The following IL31RA variants were observed in gnomAD, a reference collection of about 807,000 sequenced individuals.
The protein encoded by IL31RA is interleukin 31 receptor A, also known as interleukin-31 receptor subunit alpha.
Under a neutral mutation model 83.7 loss-of-function variants are expected in IL31RA, and 66 were observed. That is an observed-to-expected ratio of 0.79 (90% CI 0.65 to 0.97). IL31RA has a LOEUF of 0.97. Among genes scored for constraint, IL31RA ranks in the 50% least tolerant of loss-of-function variants. The probability of loss-of-function intolerance (pLI) is 0.00; values close to 1 mark genes in which losing one functional copy is unlikely to be tolerated. For synonymous variants in IL31RA, 325 were observed against 329.0 expected (o/e 0.99, Z 0.13); for missense variants, 798 against 919.4 (o/e 0.87, Z 1.71).
At chr5:55,880,083 A>T (rs1747106829) in intron 4 of IL31RA, among the ~76,000 whole-genome samples, 1 of 152,190 alleles carries the variant, frequency 6.6e-6, no homozygotes, top group African/African-American at 2.4e-5. Flanking sequence ...GGATATAATA[A>T]ATGTTAGGTG....
intron 2 of IL31RA, among the ~76,000 whole-genome samples, chr5:55,867,300 T>TGTGC (rs1561543800): frequency 7.4e-5 from 6 of 80,636 alleles, no homozygotes; most frequent in African/African-American, 2.2e-4. Context: ...CATGTGTGTG[T>TGTGC]GTGCGTGTGT....
chr5:55,876,234 C>T lies in IL31RA; in HGVS notation c.454+3783C>T, dbSNP rs887168325. Among the ~76,000 whole-genome samples the T allele has an allele frequency of 4.6e-5, 7 of 151,898 alleles. No homozygotes were observed. The South Asian group carries it at 6.2e-4, about 14-fold the overall frequency. ...CATCCTGGCCAACATGGTGAAACCC[C>T]GTCTCTACTAAAAATACAAAAATTA... On this transcript the variant is annotated intron_variant, in intron 4 of 14. Coordinates refer to ENST00000652347, the MANE Select transcript of IL31RA (RefSeq NM_139017.7).
intron 4 of IL31RA, among the ~76,000 whole-genome samples, chr5:55,877,085 T>A (rs1478421510): frequency 1.3e-5 from 2 of 152,214 alleles, no homozygotes; most frequent in African/African-American, 4.8e-5. Context: ...TTTAGTTGAT[T>A]TCTTTGTGGT....
rs535079126 is a variant in IL31RA, at chr5:55,901,052, C to A, written c.1069+920C>A. The stretch of plus-strand genomic sequence containing the variant: ...ACCTAGACTGGTTCAGACATTTACA[C>A]AACCAGTTCTAGAATTCTCTGCCTG... On this transcript the variant is annotated intron_variant, in intron 8 of 14. Transcript: ENST00000652347. Among the ~76,000 whole-genome samples, 3 of 152,364 alleles carry A rather than the reference C, an allele frequency of 2.0e-5. No homozygotes were observed. In the South Asian group the frequency reaches 6.2e-4, roughly 32 times the overall value.
chr5:55,884,063 G>C (rs964652397), intron 5 of IL31RA, among the ~76,000 whole-genome samples: 1 of 151,986 alleles, frequency 6.6e-6, no homozygotes, highest in Non-Finnish European at 1.5e-5. Flanking sequence ...ATGTTTATTG[G>C]CCCTTTGGAT....
At chr5:55,843,478 G>A in the IL31RA span, among the ~76,000 whole-genome samples, 1 of 152,154 alleles carries the variant, frequency 6.6e-6, no homozygotes, top group Admixed American at 6.6e-5. Flanking sequence ...TGAAGATAAT[G>A]ATATTCTGCA....
intron 1 of IL31RA, chr5:55,852,153 T>A (rs1317164598): frequency 6.5e-6 from 1 of 152,762 alleles, no homozygotes; most frequent in East Asian, 1.9e-4. Flanking sequence ...TATATTATAA[T>A]GGAATTTTAT....
chr5:55,864,940 G>GC lies in IL31RA; in HGVS notation c.155-3848dup, dbSNP rs1158467598. ...CACACACATGCACTGTACACGCACTGCCCTTATCTCTGAGCCATGGAGACA... is the reference window on the plus strand; with the variant it reads ...CACACACATGCACTGTACACGCACTGCCCCTTATCTCTGAGCCATGGAGACA... On this transcript the variant is annotated intron_variant, in intron 2 of 14. Transcript: ENST00000652347. Among the ~76,000 whole-genome samples the GC allele has an allele frequency of 1.7e-4, 26 of 152,178 alleles. No individual in the cohort carries two copies. The East Asian group carries it at 4.8e-3, about 28-fold the overall frequency.
chr5:55,841,336 A>C, the IL31RA span, among the ~76,000 whole-genome samples: 2 of 152,170 alleles, frequency 1.3e-5, no homozygotes, highest in South Asian at 4.1e-4. Context: ...TTTTATTTTC[A>C]TCTCCTCATG....
At chr5:55,843,892 G>A in the IL31RA span, among the ~76,000 whole-genome samples, 3,121 of 152,052 alleles carry the variant, frequency 0.021, 55 homozygotes, top group Non-Finnish European at 0.033. Flanking sequence ...GTTTCCTTTT[G>A]TTTGTGTATG....
At chr5:55,846,625 C>T (rs10061366), upstream of IL31RA, among the ~76,000 whole-genome samples, 1,063 of 151,908 alleles carry the variant, frequency 7.0e-3, 14 homozygotes, top group African/African-American at 0.025. Flanking sequence ...GGTGAAACTC[C>T]GTCTCTACTA....
chr5:55,905,107 A>T (rs1749061453), intron 8 of IL31RA, among the ~76,000 whole-genome samples: 1 of 151,604 alleles, frequency 6.6e-6, no homozygotes, highest in African/African-American at 2.4e-5. Flanking sequence ...AGGCTGAGGC[A>T]CAAGAATCAC....
chr5:55,915,476 A>C (rs1370025759), intron 14 of IL31RA, among the ~76,000 whole-genome samples: 2 of 152,144 alleles, frequency 1.3e-5, no homozygotes, highest in African/African-American at 4.8e-5. Context: ...CATTTGCATA[A>C]ATTTTTAAGT....
chr5:55,847,406 AC>A (rs1465827024), upstream of IL31RA, among the ~76,000 whole-genome samples: 7 of 151,938 alleles, frequency 4.6e-5, no homozygotes, highest in African/African-American at 1.7e-4. Flanking sequence ...CCATGGTGAA[AC>A]CCTGTCTCTA....
intron 14 of IL31RA, among the ~76,000 whole-genome samples, chr5:55,916,393 A>AAG (rs1224466964): frequency 6.6e-6 from 1 of 151,084 alleles, no homozygotes. Flanking sequence ...AAAAAAAAAA[A>AAG]TTATATACAT....
intron 7 of IL31RA, among the ~76,000 whole-genome samples, chr5:55,897,535 C>T (rs1179685710): frequency 1.3e-5 from 2 of 152,128 alleles, no homozygotes; most frequent in South Asian, 2.1e-4. Context: ...GGTGTGTCCT[C>T]GAGTCATTGG....
chr5:55,885,847 C>T (rs1273245909), intron 5 of IL31RA, among the ~76,000 whole-genome samples: 2 of 152,100 alleles, frequency 1.3e-5, no homozygotes, highest in African/African-American at 2.4e-5. Context: ...GAGCAGTCCC[C>T]GGTATAGCAC....
the IL31RA span, among the ~76,000 whole-genome samples, chr5:55,840,852 GTAATGATGGCCCA>G: frequency 5.3e-5 from 8 of 152,110 alleles, 1 homozygote; most frequent in Admixed American, 5.2e-4. Context: ...TCTCATTGCT[GTAATGATGGCCCA>G]TTTCTACATC....
At position 55,921,089 on chromosome 5, in the gene IL31RA, C is replaced by G. The variant is rs892388410; in HGVS notation, c.*3969C>G. Reference sequence around the variant, plus strand: ...GCTGAGAAGTCGTGGCCTGAACTACCCTCTGCCTTCTAGATCCACACACAG... The same window carrying G: ...GCTGAGAAGTCGTGGCCTGAACTACGCTCTGCCTTCTAGATCCACACACAG... On this transcript the variant is annotated 3_prime_UTR_variant, in exon 15 of 15. Transcript: ENST00000652347. Among the ~76,000 whole-genome samples, 2 of 152,114 alleles carry G rather than the reference C, an allele frequency of 1.3e-5. No homozygotes were observed. The highest frequency in any genetic ancestry group is 2.9e-5 in the Non-Finnish European group (2 of 68,022).
Sources: gnomAD v4.1 joint callset for allele counts (sites outside exome capture counted in the v4.1 genomes callset) on GRCh38, gnomAD v4.1.1 for gene constraint, MANE v1.5 for transcripts, NCBI Gene and HGNC (gene_info 2026-07-23, HGNC 2026-07-21) for gene names.